Variants in SORBS2 observed in about 807,000 individuals in gnomAD.
SORBS2 encodes the protein sorbin and SH3 domain containing 2, also known as sorbin and SH3 domain-containing protein 2.
In SORBS2, 46 loss-of-function variants were observed where a neutral mutation model predicts 97.7. That is an observed-to-expected ratio of 0.47 (90% CI 0.37 to 0.60). The LOEUF (loss-of-function observed/expected upper bound fraction) is 0.60. SORBS2 is among the 20% of genes least tolerant of loss of function. The probability of loss-of-function intolerance (pLI) is 0.00; values close to 1 mark genes in which losing one functional copy is unlikely to be tolerated. For synonymous variants in SORBS2, 476 were observed against 473.4 expected (o/e 1.01, Z -0.07); for missense variants, 1,316 against 1,282.3 (o/e 1.03, Z -0.40).
chr4:185,762,743 T>G (rs1421051280), intron 2 of SORBS2, among the ~76,000 whole-genome samples: 8 of 152,230 alleles, frequency 5.3e-5, no homozygotes, highest in African/African-American at 1.9e-4. Context: ...AATTCAAAAT[T>G]ATTTTTTGTG....
chr4:185,921,136 C>T lies in SORBS2; in HGVS notation c.-338+35060G>A, dbSNP rs568678766. Among the ~76,000 whole-genome samples, 3 of 152,286 alleles carry T rather than the reference C, an allele frequency of 2.0e-5. No homozygotes were observed. The South Asian group carries it at 6.2e-4, about 32-fold the overall frequency. On this transcript the variant is annotated intron_variant, in intron 1 of 20. Coordinates refer to the SORBS2 transcript ENST00000284776. Reference sequence around the variant, plus strand: ...AAATCAGATAGCTCATGGCTTAAGTCGTTTGCATTATGTGTAGGTTTCAAT... The same window carrying T: ...AAATCAGATAGCTCATGGCTTAAGTTGTTTGCATTATGTGTAGGTTTCAAT...
intron 1 of SORBS2, among the ~76,000 whole-genome samples, chr4:185,801,664 TCATCTCTCTCTCTC>T (rs1360897135): frequency 6.9e-5 from 9 of 131,288 alleles, no homozygotes; most frequent in Non-Finnish European, 1.4e-4. Flanking sequence ...TTTAACTGAA[TCATCTCTCTCTCTC>T]TCTCTCTCTC....
intron 4 of SORBS2, among the ~76,000 whole-genome samples, chr4:185,664,004 A>G (rs553921067): frequency 1.4e-4 from 21 of 151,500 alleles, no homozygotes; most frequent in African/African-American, 2.9e-4. Context: ...ACAGGCGCCC[A>G]CCACCACGCC....
chr4:185,751,386 T>C (rs1396831184), intron 2 of SORBS2, among the ~76,000 whole-genome samples: 1 of 151,340 alleles, frequency 6.6e-6, no homozygotes, highest in Non-Finnish European at 1.5e-5. Flanking sequence ...TGAGACAAAG[T>C]GAGAAGAGAT....
chr4:185,799,894 T>G (rs2099122395), intron 1 of SORBS2, among the ~76,000 whole-genome samples: 1 of 152,100 alleles, frequency 6.6e-6, no homozygotes, highest in Non-Finnish European at 1.5e-5. Flanking sequence ...CACCCGACAA[T>G]GTGTGAGTCC....
At chr4:185,814,974 T>C (rs543026518) in intron 1 of SORBS2, among the ~76,000 whole-genome samples, 2 of 152,370 alleles carry the variant, frequency 1.3e-5, no homozygotes, top group African/African-American at 4.8e-5. Context: ...TAAAATGTGC[T>C]AGATACAGAT....
At position 185,623,786 on chromosome 4, in the gene SORBS2, C is replaced by T. The variant is rs377322490; in HGVS notation, c.1343G>A (p.Cys448Tyr). The stretch of plus-strand genomic sequence containing the variant: ...CTCAATGGAAAACCGCCTCTTGGGA[C>T]ATAGGCCATTTTGCGGTGGTTCTAG... The change falls in exon 7 of 15, where the codon TGT becomes TAT. Residue 448 changes from cysteine to tyrosine, a missense_variant. Coordinates refer to ENST00000418609, the Ensembl canonical transcript of SORBS2. This position sits in a 1 kb window ranked among gnomAD's most constrained non-coding sequence, Gnocchi z 6.4. 3.5e-5 allele frequency: 57 copies of T among 1,614,182 alleles called. No individual in the cohort carries two copies. The African/African-American group carries it at 6.1e-4, about 17-fold the overall frequency.
intron 2 of SORBS2, among the ~76,000 whole-genome samples, chr4:185,740,780 C>T (rs1169308676): frequency 2.0e-5 from 3 of 151,456 alleles, no homozygotes; most frequent in African/African-American, 7.3e-5. Context: ...CAGCCCAGCA[C>T]CAACTCAGCC....
At chr4:185,932,877 T>A (rs1281828215) in intron 1 of SORBS2, 3 of 152,258 alleles carry the variant, frequency 2.0e-5, no homozygotes, top group Non-Finnish European at 1.5e-5. Flanking sequence ...AAGGGTCATT[T>A]TGTAAATTAT....
At chr4:185,677,724 T>C in intron 4 of SORBS2, 1 of 1,138,712 alleles carries the variant, frequency 8.8e-7, no homozygotes, top group East Asian at 3.0e-5. Context: ...GAAACCAGTG[T>C]CAACCTTGCC....
chr4:185,845,761 C>A (rs1227320298), intron 1 of SORBS2, among the ~76,000 whole-genome samples: 1 of 152,084 alleles, frequency 6.6e-6, no homozygotes, highest in Non-Finnish European at 1.5e-5. Context: ...AAGTTTTGAA[C>A]AGGTACTTTA....
chr4:185,636,895 C>A (rs1256357974), intron 4 of SORBS2, among the ~76,000 whole-genome samples: 1 of 152,174 alleles, frequency 6.6e-6, no homozygotes, highest in Non-Finnish European at 1.5e-5. Flanking sequence ...GATCCGCCTG[C>A]CTCGGCCTCC....
chr4:185,904,457 A>T (rs2099249553), intron 1 of SORBS2, among the ~76,000 whole-genome samples: 2 of 152,148 alleles, frequency 1.3e-5, no homozygotes. Context: ...CTGTGGAGAG[A>T]CACCTGCCTC....
intron 1 of SORBS2, among the ~76,000 whole-genome samples, chr4:185,935,112 A>C (rs909954010): frequency 6.6e-6 from 1 of 152,222 alleles, no homozygotes; most frequent in Non-Finnish European, 1.5e-5. Flanking sequence ...CCAGTTCTTA[A>C]GAAAAATCCA....
chr4:185,814,457 T>C (rs929894678), intron 1 of SORBS2, among the ~76,000 whole-genome samples: 11 of 152,188 alleles, frequency 7.2e-5, no homozygotes, highest in African/African-American at 1.9e-4. Context: ...AGGAGGAATG[T>C]TTGAGCCTGG....
At chr4:185,896,915 G>A (rs929751286) in intron 1 of SORBS2, among the ~76,000 whole-genome samples, 4 of 149,772 alleles carry the variant, frequency 2.7e-5, no homozygotes, top group Non-Finnish European at 5.9e-5. Flanking sequence ...AAAAGCACAT[G>A]TCAGTGATTG....
At chr4:185,865,587 C>T (rs999174478) in intron 1 of SORBS2, among the ~76,000 whole-genome samples, 3 of 152,012 alleles carry the variant, frequency 2.0e-5, no homozygotes, top group Non-Finnish European at 2.9e-5. Context: ...AACACGGAAA[C>T]GTACAGAACA....
intron 1 of SORBS2, among the ~76,000 whole-genome samples, chr4:185,848,124 C>T (rs554186763): frequency 3.9e-5 from 6 of 152,138 alleles, no homozygotes; most frequent in East Asian, 3.9e-4. Context: ...TCAGATACCC[C>T]GAAATTATAT....
intron 3 of SORBS2, among the ~76,000 whole-genome samples, chr4:185,648,243 T>C (rs1370852898): frequency 6.6e-6 from 1 of 152,040 alleles, no homozygotes; most frequent in African/African-American, 2.4e-5. Context: ...ACTGGCTGGG[T>C]GCAGTGACTC....
Sources: gnomAD v4.1 joint callset for allele counts (sites outside exome capture counted in the v4.1 genomes callset) on GRCh38, gnomAD v4.1.1 for gene constraint, Gnocchi (gnomAD v3.1) non-coding constraint, MANE v1.5 for transcripts, NCBI Gene and HGNC (gene_info 2026-07-23, HGNC 2026-07-21) for gene names.